Variants in ERVMER34-1 observed in about 807,000 individuals in gnomAD.
ERVMER34-1 encodes the protein endogenous retrovirus group MER34 member 1, envelope.
For missense variants in ERVMER34-1, 471 were observed against 295.1 expected (o/e 1.60, Z -4.37); for synonymous variants, 199 against 111.7 (o/e 1.78, Z -4.93).
intron 2 of ERVMER34-1, chr4:52,750,712 G>A (rs1716265031): frequency 6.6e-6 from 1 of 152,308 alleles, no homozygotes; most frequent in African/African-American, 2.4e-5. Flanking sequence ...ATACTCACAA[G>A]TCCTAAAGAC....
rs1411769648 is a variant in ERVMER34-1 at position 52,745,784 on chromosome 4, T to C, written c.-264A>G. 6.4e-6 allele frequency: 3 copies of C among 465,674 alleles called. No individual in the cohort carries two copies. The East Asian group carries it at 1.1e-4, about 17-fold the overall frequency. 28.8% of individuals were successfully genotyped at this position (465,674 alleles called of 1,614,324 possible). A position where few individuals can be genotyped will look rare whatever the true frequency, so the allele number is the denominator to read the frequency against. On this transcript the variant is annotated 5_prime_UTR_variant, in exon 3 of 3. It adds an upstream start codon to the 5' untranslated region. Transcript: ENST00000443173. ...CATAGCCTTGGCCTTCCAGTTGTCA[T>C]ATAATGATCTCAATCTAGCTTCCTG...
At chr4:52,746,109 G>A (rs945397827) in intron 2 of ERVMER34-1, among the ~76,000 whole-genome samples, 166 bp from the exon 3 acceptor site, 2 of 152,230 alleles carry the variant, frequency 1.3e-5, no homozygotes, top group South Asian at 4.1e-4. Context: ...AGAGATGCCA[G>A]TAGGCACAGA....
chr4:52,746,825 G>C (rs908060705), intron 2 of ERVMER34-1, among the ~76,000 whole-genome samples: 19 of 152,178 alleles, frequency 1.2e-4, no homozygotes, highest in African/African-American at 4.6e-4. Context: ...TGGATGCCAA[G>C]AGCCAACTGT....
chr4:52,745,417 A>G lies in ERVMER34-1; in HGVS notation c.104T>C (p.Leu35Pro). The G allele has an allele frequency of 1.4e-6, 1 of 704,152 alleles. No individual in the cohort carries two copies. 43.6% of individuals were successfully genotyped at this position (704,152 alleles called of 1,614,324 possible). A position where few individuals can be genotyped will look rare whatever the true frequency, so the allele number is the denominator to read the frequency against. The change falls in exon 3 of 3, where the codon CTA becomes CCA. Residue 35 changes from leucine (L) to proline (P), a missense_variant. Physicochemically the swap from Leu to Pro is moderately conservative, Grantham distance 98. Coordinates refer to ENST00000443173, the MANE Select transcript of ERVMER34-1 (RefSeq NM_001242690.2). ...QHLLAPVFRT[L>P]SILTNQSNCW... ...ATTAGACTGATTAGTCAAGATAGAT[A>G]GTGTCCGGAAAACTGGAGCAAGCAG...
At position 52,748,727 on chromosome 4, in the gene ERVMER34-1, C is replaced by A. The variant is rs575933498; in HGVS notation, c.-424+2203G>T. 2.1e-3 allele frequency among the ~76,000 whole-genome samples: 318 copies of A among 152,314 alleles called. 1 individual carries two copies. Among genetic ancestry groups the A allele is most frequent in the African/African-American group, 7.4e-3 (306 of 41,568 alleles). ...ATATTGAAATTAGCATTAACCACCC[C>A]ACACACCTGTTTTTATTTACTCAGT... is the stretch of plus-strand genomic sequence containing the variant. On this transcript the variant is annotated intron_variant, in intron 2 of 2. Transcript: ENST00000443173.
At chr4:52,750,874 A>C (rs1455307293) in intron 2 of ERVMER34-1, 56 bp downstream of exon 2, 1 of 152,348 alleles carries the variant, frequency 6.6e-6, no homozygotes, top group Admixed American at 6.5e-5. Context: ...CTCCGGTCCC[A>C]CTGGCCACGT....
Position 52,745,198 on chromosome 4 carries a change from G to A in ERVMER34-1, c.323C>T (p.Ala108Val). The change falls in exon 3 of 3, where the codon GCT becomes GTT. Residue 108 changes from alanine (A) to valine (V), a missense_variant. Ala to Val is a moderately conservative substitution (Grantham distance 64). Coordinates refer to ENST00000443173, the MANE Select transcript of ERVMER34-1 (RefSeq NM_001242690.2). ...TACTTGAGCAAAGGATAGACCTTGA[G>A]CTTCCATGGAGGCTTCCCAGTGCCA... ...VTWHWEASME[A>V]QGLSFAQVRL... 1 of 704,074 alleles carries A rather than the reference G, an allele frequency of 1.4e-6. No homozygotes were observed. The highest frequency in any genetic ancestry group is 2.6e-6 in the Non-Finnish European group (1 of 384,992). The allele number at this position is 704,074 out of a possible 1,614,324, so 43.6% of individuals were successfully genotyped here. A position where few individuals can be genotyped will look rare whatever the true frequency, so the allele number is the denominator to read the frequency against.
Position 52,751,400 on chromosome 4 carries a change from A to T in ERVMER34-1, c.-621T>A, listed in dbSNP as rs1716286397. The T allele has an allele frequency of 6.6e-6, 1 of 152,030 alleles. No individual in the cohort carries two copies. Among genetic ancestry groups the T allele is most frequent in the Non-Finnish European group, 1.5e-5 (1 of 68,184 alleles). The allele number at this position is 152,030 out of a possible 1,614,324, so 9.4% of individuals were successfully genotyped here. A position where few individuals can be genotyped will look rare whatever the true frequency, so the allele number is the denominator to read the frequency against. On this transcript the variant is annotated 5_prime_UTR_variant, in exon 1 of 3. Coordinates refer to ENST00000443173, the MANE Select transcript of ERVMER34-1 (RefSeq NM_001242690.2). ...TCGCCGCCAGGCCAGAAGACCAAGAAGAAGGCTCGCGGCGGGAACTGAAGT... is the reference window on the plus strand; with the variant it reads ...TCGCCGCCAGGCCAGAAGACCAAGATGAAGGCTCGCGGCGGGAACTGAAGT...
rs146491462 is a variant in ERVMER34-1 at position 52,749,161 on chromosome 4, C to T, written c.-424+1769G>A. ...TATTATAGGTGTGAGCCACCATGCC[C>T]GGCCTCATAGCATATTTTTCATGTC... On this transcript the variant is annotated intron_variant, in intron 2 of 2. Coordinates refer to ENST00000443173, the MANE Select transcript of ERVMER34-1 (RefSeq NM_001242690.2). Among the ~76,000 whole-genome samples the T allele has an allele frequency of 3.8e-3, 578 of 152,274 alleles. 4 individuals are homozygous for T. Among genetic ancestry groups the T allele is most frequent in the Middle Eastern group, 0.01 (3 of 294 alleles).
chr4:52,743,126 T>G lies in ERVMER34-1; in HGVS notation c.*703A>C, dbSNP rs1716057046. The stretch of plus-strand genomic sequence containing the variant: ...AGCATTTGATATAATAGATGCCACC[T>G]CAACACTCCCTGCATCCTACTTCCA... On this transcript the variant is annotated 3_prime_UTR_variant, in exon 3 of 3. Transcript: ENST00000443173. 1 of 151,752 alleles carries G rather than the reference T, an allele frequency of 6.6e-6. No homozygotes were observed. The highest frequency in any genetic ancestry group is 2.1e-4 in the South Asian group (1 of 4,794). The allele number at this position is 151,752 out of a possible 1,614,324, so 9.4% of individuals were successfully genotyped here. A position where few individuals can be genotyped will look rare whatever the true frequency, so the allele number is the denominator to read the frequency against.
intron 2 of ERVMER34-1, among the ~76,000 whole-genome samples, chr4:52,746,174 C>A (rs925549281): frequency 1.3e-4 from 20 of 152,260 alleles, no homozygotes; most frequent in African/African-American, 4.6e-4. Flanking sequence ...GTATTCCAGA[C>A]CTTTTTTGTT....
rs930478744 is a variant in ERVMER34-1 at position 52,744,155 on chromosome 4, A to G, written c.1366T>C (p.Ser456Pro). ...GCTTCGTGGAGACGCTGTATATTAG[A>G]CTTTATTTCTTCCGAATAATTTATA... Reference protein sequence around the residue: ...LYINYSEEIKSNIQRLHEASE... With the variant: ...LYINYSEEIKPNIQRLHEASE... The change falls in exon 3 of 3, where the codon TCT becomes CCT. Residue 456 changes from serine to proline, a missense_variant. Transcript: ENST00000443173. The G allele has an allele frequency of 2.8e-6, 2 of 703,976 alleles. No individual in the cohort carries two copies. Among genetic ancestry groups the G allele is most frequent in the African/African-American group, 3.5e-5 (2 of 57,218 alleles). The allele number at this position is 703,976 out of a possible 1,614,324, so 43.6% of individuals were successfully genotyped here.
rs1454081728 is a variant in ERVMER34-1 at position 52,745,258 on chromosome 4, T to C, written c.263A>G (p.Gln88Arg). The C allele has an allele frequency of 1.4e-6, 1 of 704,076 alleles. No individual in the cohort carries two copies. Among genetic ancestry groups the C allele is most frequent in the Admixed American group, 2.0e-5 (1 of 50,014 alleles). 43.6% of individuals were successfully genotyped at this position (704,076 alleles called of 1,614,324 possible). The change falls in exon 3 of 3, where the codon CAG becomes CGG. Residue 88 changes from glutamine to arginine, a missense_variant. Gln to Arg is a conservative substitution (Grantham distance 43). Coordinates refer to ENST00000443173, the MANE Select transcript of ERVMER34-1 (RefSeq NM_001242690.2). ...ACGATAGGAGGAAGTAGAGTGATTC[T>C]GTACTTCTGCTTGTGGATACCACAC... ...ERVWYPQAEV[Q>R]NHSTSSYRKV...
In ERVMER34-1 at chr4:52,744,384, C is replaced by T. The variant is rs1390463585; in HGVS notation, c.1137G>A (p.Leu379=). The change falls in exon 3 of 3, where the codon TTG becomes TTA. Residue 379 remains leucine, a synonymous_variant. Coordinates refer to ENST00000443173, the MANE Select transcript of ERVMER34-1 (RefSeq NM_001242690.2). ...TTGCCTTTTCTAAATCATAAGTTCC[C>T]AAACTTGGAAAAAGGGCCCTTATTG... ...NSTIRALFPS[L]GTYDLEKAIL... The T allele has an allele frequency of 4.3e-6, 3 of 704,046 alleles. No individual in the cohort carries two copies. 43.6% of individuals were successfully genotyped at this position (704,046 alleles called of 1,614,324 possible). A position where few individuals can be genotyped will look rare whatever the true frequency, so the allele number is the denominator to read the frequency against.
In ERVMER34-1 at chr4:52,744,787, C is replaced by T. The variant is rs372451410; in HGVS notation, c.734G>A (p.Arg245His). Reference sequence around the variant, plus strand: ...CAGGCCATAAGAGCAAAATAGGTTGCGAAATAGCTGGTACAGAAGGCCTTT... The same window carrying T: ...CAGGCCATAAGAGCAAAATAGGTTGTGAAATAGCTGGTACAGAAGGCCTTT... ...QTKGLLYQLF[R>H]NLFCSYGLTE... Residue 245 changes from arginine to histidine, a missense_variant, in exon 3 of 3, where the codon CGC becomes CAC. Physicochemically the swap from Arg to His is conservative, Grantham distance 29. Transcript: ENST00000443173. The T allele has an allele frequency of 5.8e-5, 41 of 703,946 alleles. No homozygotes were observed. Among genetic ancestry groups the T allele is most frequent in the Admixed American group, 2.0e-4 (10 of 49,990 alleles). The allele number at this position is 703,946 out of a possible 1,614,324, so 43.6% of individuals were successfully genotyped here.
At chr4:52,748,369 T>G (rs1334044085) in intron 2 of ERVMER34-1, 1 of 155,330 alleles carries the variant, frequency 6.4e-6, no homozygotes, top group African/African-American at 2.4e-5. Flanking sequence ...AGTGTTGGTA[T>G]TTGACACTGT....
In ERVMER34-1 at chr4:52,743,551, T is replaced by G. The variant is rs567982867; in HGVS notation, c.*278A>C. On this transcript the variant is annotated 3_prime_UTR_variant, in exon 3 of 3. Coordinates refer to ENST00000443173, the MANE Select transcript of ERVMER34-1 (RefSeq NM_001242690.2). The stretch of plus-strand genomic sequence containing the variant: ...CAATAGAAAAAACATTTATTATATA[T>G]GCATGCAAGAACACTACAAAGAGTA... The G allele has an allele frequency of 9.7e-6, 3 of 308,246 alleles. No individual in the cohort carries two copies. Among genetic ancestry groups the G allele is most frequent in the Non-Finnish European group, 1.8e-5 (3 of 169,594 alleles). 19.1% of individuals were successfully genotyped at this position (308,246 alleles called of 1,614,324 possible). A position where few individuals can be genotyped will look rare whatever the true frequency, so the allele number is the denominator to read the frequency against.
intron 2 of ERVMER34-1, among the ~76,000 whole-genome samples, chr4:52,749,464 T>C (rs1716232215): frequency 6.6e-6 from 1 of 151,790 alleles, no homozygotes; most frequent in South Asian, 2.1e-4. Flanking sequence ...AGAGTTGGCT[T>C]CTAAACCACA....
At chr4:52,749,410 G>C (rs571710424) in intron 2 of ERVMER34-1, among the ~76,000 whole-genome samples, 1 of 152,172 alleles carries the variant, frequency 6.6e-6, no homozygotes, top group Non-Finnish European at 1.5e-5. Context: ...ACCTCTCCCT[G>C]ATGGAGAACC....
Sources: gnomAD v4.1 joint callset for allele counts (sites outside exome capture counted in the v4.1 genomes callset) on GRCh38, gnomAD v4.1.1 for gene constraint, MANE v1.5 for transcripts, NCBI Gene and HGNC (gene_info 2026-07-23, HGNC 2026-07-21) for gene names.